DNMT3A: variants seen among roughly 807,000 people sequenced by gnomAD.
DNMT3A encodes DNA methyltransferase 3 alpha.
In DNMT3A, 267 loss-of-function variants were observed where a neutral mutation model predicts 117.6. That is an observed-to-expected ratio of 2.27 (90% CI 2.05 to 2.51). The LOEUF is 2.51. DNMT3A is among the 30% of genes most tolerant of loss of function. The pLI is 0.00. For missense variants in DNMT3A, 1,029 were observed against 1,260.2 expected, an observed-to-expected ratio of 0.82 and a Z score of 2.78; for synonymous variants, 432 against 474.8, an observed-to-expected ratio of 0.91 and a Z score of 1.17.
Position 25,330,339 on chromosome 2 carries a change from G to A in DNMT3A, c.-178+11487C>T, listed in dbSNP as rs563517487. 1.6e-4 allele frequency among the ~76,000 whole-genome samples: 25 copies of A among 152,272 alleles called. 1 individual carries two copies. The highest frequency in any genetic ancestry group is 6.0e-4 in the African/African-American group (25 of 41,550). Reference sequence around the variant, plus strand: ...CAGAGAAACGTGGATTTCCACACTCGGATGGACCGCAGCCCCCACCCCACC... The same window carrying A: ...CAGAGAAACGTGGATTTCCACACTCAGATGGACCGCAGCCCCCACCCCACC... On this transcript the variant is annotated intron_variant, in intron 1 of 22. Coordinates refer to ENST00000321117, the MANE Select transcript of DNMT3A (RefSeq NM_022552.5).
intron 1 of DNMT3A, among the ~76,000 whole-genome samples, chr2:25,318,482 C>T (rs949177842): frequency 2.4e-4 from 36 of 151,994 alleles, no homozygotes; most frequent in African/African-American, 8.2e-4. Flanking sequence ...AGACAGCTTT[C>T]GCCATGTTGG....
rs2033745932 is a variant in DNMT3A at position 25,305,685 on chromosome 2, A to G, written c.73-5442T>C. 6.6e-6 allele frequency among the ~76,000 whole-genome samples: 1 copy of G among 152,190 alleles called. No individual in the cohort carries two copies. The highest frequency in any genetic ancestry group is 6.5e-5 in the Admixed American group (1 of 15,286). ...ATCGGTCTTTCTACTGCAACATGCC[A>G]CTATACCCTACCATGTCAACAGGCA... On this transcript the variant is annotated intron_variant, in intron 2 of 22. Transcript: ENST00000321117. This position sits in a 1 kb window ranked among gnomAD's most constrained non-coding sequence, Gnocchi z 4.1.
intron 6 of DNMT3A, among the ~76,000 whole-genome samples, chr2:25,274,181 G>A (rs889874290): frequency 6.6e-6 from 1 of 152,082 alleles, no homozygotes; most frequent in African/African-American, 2.4e-5. Flanking sequence ...AGGTGTTCAG[G>A]CCAGACCCCT....
Position 25,341,861 on chromosome 2 carries a change from C to T in DNMT3A, c.-213G>A, listed in dbSNP as rs1030050866. On this transcript the variant is annotated 5_prime_UTR_variant, in exon 1 of 23. Coordinates refer to ENST00000321117, the MANE Select transcript of DNMT3A (RefSeq NM_022552.5). The stretch of plus-strand genomic sequence containing the variant: ...GTGGGGTCGGGCCGGCCCGGCTGCG[C>T]GCCCTGGTGCCGCGGCGCCGCGTCC... The T allele has an allele frequency of 2.0e-5, 20 of 979,872 alleles. No homozygotes were observed. The highest frequency in any genetic ancestry group is 1.9e-5 in the Non-Finnish European group (16 of 827,660). The allele number at this position is 979,872 out of a possible 1,614,324, so 60.7% of individuals were successfully genotyped here.
rs544433319 is a variant in DNMT3A at position 25,290,983 on chromosome 2, C to T, written c.178-8272G>A. Among the ~76,000 whole-genome samples the T allele has an allele frequency of 5.3e-5, 8 of 152,316 alleles. No individual in the cohort carries two copies. The East Asian group carries it at 1.5e-3, about 29-fold the overall frequency. The stretch of plus-strand genomic sequence containing the variant: ...CTCTGTGAGATCCATTCCATGCCAA[C>T]CGGGAACCCTGGCATCAGGCCAGCC... On this transcript the variant is annotated intron_variant, in intron 3 of 22. Transcript: ENST00000321117.
At chr2:25,244,711 G>A (rs773575697) in intron 13 of DNMT3A, 59 bp from the exon 14 acceptor site, 224 of 1,460,038 alleles carry the variant, frequency 1.5e-4, no homozygotes, top group Non-Finnish European at 2.0e-4. Flanking sequence ...CGGCCAGGAC[G>A]AAGGGAGGCT....
chr2:25,310,592 G>C (rs1312575942), intron 2 of DNMT3A, among the ~76,000 whole-genome samples: 1 of 152,076 alleles, frequency 6.6e-6, no homozygotes, highest in Non-Finnish European at 1.5e-5. Context: ...CCTGATCCTG[G>C]GCTCCGGGAT....
Position 25,236,186 on chromosome 2 carries a change from C to A in DNMT3A, c.2479-361G>T, listed in dbSNP as rs2149259049. 6.6e-6 allele frequency among the ~76,000 whole-genome samples: 1 copy of A among 152,242 alleles called. No homozygotes were observed. Among genetic ancestry groups the A allele is most frequent in the South Asian group, 2.1e-4 (1 of 4,824 alleles). ...GTTCAAGCGATTCTAATGCCTCAGA[C>A]TCCTGAGTAGCTGGGACTACAGGCG... On this transcript the variant is annotated intron_variant, in intron 21 of 22. Coordinates refer to ENST00000321117, the MANE Select transcript of DNMT3A (RefSeq NM_022552.5). This position sits in a 1 kb window ranked among gnomAD's most constrained non-coding sequence, Gnocchi z 4.5.
chr2:25,244,702 G>A (rs371793795), intron 13 of DNMT3A, 50 bp from the exon 14 acceptor site: 27 of 1,541,698 alleles, frequency 1.8e-5, no homozygotes, highest in Admixed American at 8.4e-5. Flanking sequence ...GTCCCAGGAC[G>A]GCCAGGACGA....
At position 25,241,658 on chromosome 2, in the gene DNMT3A, G is replaced by A. The variant is rs1674054468; in HGVS notation, c.1986C>T (p.Ala662=). Residue 662 remains alanine (A), a synonymous_variant, in exon 17 of 23, where the codon GCC becomes GCT. Transcript: ENST00000321117. The stretch of plus-strand genomic sequence containing the variant: ...TGATGGAGTCCTCACACACCTCCGA[G>A]GCAATGTAGCGGTCCACCTGAATGC... ...DLGIQVDRYI[A]SEVCEDSITV... The A allele has an allele frequency of 5.0e-6, 8 of 1,614,002 alleles. No homozygotes were observed. The East Asian group carries it at 1.1e-4, about 22-fold the overall frequency.
At chr2:25,315,353 G>A (rs1298779972) in intron 1 of DNMT3A, among the ~76,000 whole-genome samples, 1 of 152,200 alleles carries the variant, frequency 6.6e-6, no homozygotes, top group Non-Finnish European at 1.5e-5. Flanking sequence ...GTGGGAGGAA[G>A]GAGCTGGCAG....
At chr2:25,273,135 C>T (rs1040868941) in intron 6 of DNMT3A, among the ~76,000 whole-genome samples, 70 of 152,002 alleles carry the variant, frequency 4.6e-4, no homozygotes, top group African/African-American at 1.4e-3. Flanking sequence ...CCACCATGCC[C>T]GGCTAATTTT....
chr2:25,288,083 A>G (rs1032009467), intron 3 of DNMT3A, among the ~76,000 whole-genome samples: 1 of 149,646 alleles, frequency 6.7e-6, no homozygotes, highest in African/African-American at 2.5e-5. Flanking sequence ...TGATCCACCC[A>G]CCTCAGCCTC....
At chr2:25,331,423 C>T (rs1313182291) in intron 1 of DNMT3A, among the ~76,000 whole-genome samples, 3 of 152,208 alleles carry the variant, frequency 2.0e-5, no homozygotes. Context: ...AAAATGCTGT[C>T]CCCAGCTTGT....
chr2:25,246,779 G>A lies in DNMT3A; in HGVS notation c.1123-3C>T. The A allele has an allele frequency of 6.2e-7, 1 of 1,612,926 alleles. No individual in the cohort carries two copies. The highest frequency in any genetic ancestry group is 8.5e-7 in the Non-Finnish European group (1 of 1,179,898). On this transcript the variant is annotated splice_region_variant and splice_polypyrimidine_tract_variant and intron_variant, in intron 9 of 22. Transcript: ENST00000321117. The stretch of plus-strand genomic sequence containing the variant: ...TTCCCCGCGCGGCTGCTGGCCACCT[G>A]GAGGGTGACACGCCAGGGTTGGGGT...
chr2:25,328,706 C>T (rs1424879543), intron 1 of DNMT3A: 1 of 514,960 alleles, frequency 1.9e-6, no homozygotes. Context: ...GTGCCTAGAG[C>T]GACCCCCCAC....
chr2:25,234,484 T>C lies in DNMT3A; in HGVS notation c.2598-64A>G. On this transcript the variant is annotated intron_variant, in intron 22 of 22. Transcript: ENST00000321117. This position sits in a 1 kb window ranked among gnomAD's most constrained non-coding sequence, Gnocchi z 4.5. ...GCCAGACCAGGCTGCCCGGAAGCCG[T>C]CTAACCACACAGCAGGACCCGGAGG... The C allele has an allele frequency of 6.5e-7, 1 of 1,549,220 alleles. No individual in the cohort carries two copies. The highest frequency in any genetic ancestry group is 8.8e-7 in the Non-Finnish European group (1 of 1,142,528).
chr2:25,251,640 C>T (rs1448676773), intron 6 of DNMT3A, among the ~76,000 whole-genome samples: 1 of 152,224 alleles, frequency 6.6e-6, no homozygotes, highest in African/African-American at 2.4e-5. Context: ...CCTGGTGTCA[C>T]AGGCCGGCCC....
At chr2:25,274,896 C>T (rs761466381) in intron 6 of DNMT3A, 45 bp downstream of exon 6, 3 of 1,575,714 alleles carry the variant, frequency 1.9e-6, no homozygotes, top group East Asian at 4.5e-5. Context: ...TCTGGTTTTC[C>T]AGTTCTGCAG....
Sources: allele counts gnomAD v4.1 joint callset (sites outside exome capture counted in the v4.1 genomes callset), GRCh38; gene constraint gnomAD v4.1.1; non-coding constraint Gnocchi (gnomAD v3.1); transcripts MANE v1.5; gene names NCBI Gene and HGNC (gene_info 2026-07-23, HGNC 2026-07-21).